Variants in CUBN observed in about 807,000 individuals in gnomAD.
CUBN encodes the protein cubilin.
A neutral mutation model predicts 405.3 loss-of-function variants in CUBN; 282 were observed. The ratio of observed to expected loss-of-function variants is 0.70; its 90% CI spans 0.63 to 0.77. The LOEUF is 0.77. CUBN is among the 30% of genes least tolerant of loss of function. CUBN has a pLI of 0.00. For missense variants in CUBN, 4,514 were observed against 4,475.2 expected (o/e 1.01, Z -0.25); for synonymous variants, 1,684 against 1,617.0 (o/e 1.04, Z -0.99).
At chr10:16,974,152 C>A (rs894032613) in intron 31 of CUBN, among the ~76,000 whole-genome samples, 1 of 152,204 alleles carries the variant, frequency 6.6e-6, no homozygotes, top group South Asian at 2.1e-4. Flanking sequence ...AACAATAAAT[C>A]TGACCTAGGT....
intron 60 of CUBN, among the ~76,000 whole-genome samples, chr10:16,848,029 G>A (rs1839570385): frequency 1.3e-5 from 2 of 152,176 alleles, no homozygotes; most frequent in Admixed American, 6.5e-5. Context: ...GTTGCCAATG[G>A]AAGGAAATTG....
At chr10:17,016,184 G>T (rs1307321438) in intron 28 of CUBN, among the ~76,000 whole-genome samples, 1 of 151,768 alleles carries the variant, frequency 6.6e-6, no homozygotes, top group Non-Finnish European at 1.5e-5. Context: ...GAAGGCAGAA[G>T]GATTTTCTTC....
Position 17,054,203 on chromosome 10 carries a change from C to T in CUBN, c.3140-6600G>A, listed in dbSNP as rs542796412. 4.0e-4 allele frequency among the ~76,000 whole-genome samples: 60 copies of T among 151,678 alleles called. 1 individual carries two copies. Among genetic ancestry groups the T allele is most frequent in the African/African-American group, 1.1e-3 (46 of 41,418 alleles). ...AAAATTAACCAGGCATGGTGGCGAG[C>T]GCCTGTAATCCCAGCTACTTGGGAG... On this transcript the variant is annotated intron_variant, in intron 22 of 66. Coordinates refer to ENST00000377833, the MANE Select transcript of CUBN (RefSeq NM_001081.4).
chr10:17,078,315 T>C lies in CUBN; in HGVS notation c.2301+5956A>G, dbSNP rs555598162. Among the ~76,000 whole-genome samples, 24 of 152,294 alleles carry C rather than the reference T, an allele frequency of 1.6e-4. 1 individual carries two copies. Among genetic ancestry groups the C allele is most frequent in the Middle Eastern group, 3.4e-3 (1 of 294 alleles). On this transcript the variant is annotated intron_variant, in intron 17 of 66. Transcript: ENST00000377833. ...GTCTATTTCCAATTATTTTAGTTTA[T>C]TTTTTCTGACTTCAGTCTCTAGGGC...
chr10:17,072,957 C>T (rs1014521647), intron 17 of CUBN, among the ~76,000 whole-genome samples: 3 of 152,010 alleles, frequency 2.0e-5, no homozygotes, highest in African/African-American at 4.8e-5. Context: ...TAATTATTCC[C>T]ATCCCACCCT....
chr10:16,956,566 T>C (rs1415871521), intron 31 of CUBN, among the ~76,000 whole-genome samples: 1 of 152,058 alleles, frequency 6.6e-6, no homozygotes, highest in Non-Finnish European at 1.5e-5. Flanking sequence ...ATCACCACCA[T>C]TGGTTTAATT....
intron 65 of CUBN, among the ~76,000 whole-genome samples, chr10:16,829,830 T>G (rs1449890105): frequency 6.7e-6 from 1 of 148,898 alleles, no homozygotes; most frequent in Non-Finnish European, 1.5e-5. Context: ...GTTTGGTTGG[T>G]TTTTTTTTTG....
At chr10:16,860,172 G>T (rs535070490) in intron 59 of CUBN, among the ~76,000 whole-genome samples, 1 of 151,950 alleles carries the variant, frequency 6.6e-6, no homozygotes, top group South Asian at 2.1e-4. Context: ...TAGTACAAAG[G>T]TCTATCTAAA....
intron 36 of CUBN, among the ~76,000 whole-genome samples, chr10:16,940,870 C>T (rs1376203865): frequency 2.0e-5 from 3 of 152,196 alleles, no homozygotes; most frequent in East Asian, 1.9e-4. Flanking sequence ...CACTTAAATG[C>T]GCTGCAAAGG....
At chr10:17,067,664 C>T (rs1835640357) in intron 21 of CUBN, among the ~76,000 whole-genome samples, 3 of 151,968 alleles carry the variant, frequency 2.0e-5, no homozygotes, top group Admixed American at 2.0e-4. Context: ...AAAAATTATG[C>T]TAATTGAGGA....
At chr10:17,045,821 T>C in intron 24 of CUBN, 113 bp downstream of exon 24, 1 of 1,104,494 alleles carries the variant, frequency 9.1e-7, no homozygotes, top group Admixed American at 1.7e-5. Context: ...AATATTGAAG[T>C]TTAAATACAG....
At chr10:16,850,784 T>C (rs1839664013) in intron 60 of CUBN, among the ~76,000 whole-genome samples, 1 of 152,244 alleles carries the variant, frequency 6.6e-6, no homozygotes, top group South Asian at 2.1e-4. Flanking sequence ...TTATTTACTT[T>C]TAATGGGATT....
intron 28 of CUBN, among the ~76,000 whole-genome samples, chr10:17,002,072 G>C (rs956329425): frequency 6.6e-6 from 1 of 152,150 alleles, no homozygotes. Flanking sequence ...ACAAGTCCTT[G>C]GATATGTAAT....
rs59819645 is a variant in CUBN, at chr10:16,846,812, C to CAA, written c.9663+4421_9663+4422dup. 2.5e-3 allele frequency among the ~76,000 whole-genome samples: 336 copies of CAA among 134,904 alleles called. 1 individual carries two copies. Among genetic ancestry groups the CAA allele is most frequent in the Non-Finnish European group, 3.1e-3 (199 of 64,024 alleles). 88.5% of individuals were successfully genotyped at this position (134,904 alleles called of 152,430 possible). On this transcript the variant is annotated intron_variant, in intron 60 of 66. Coordinates refer to ENST00000377833, the MANE Select transcript of CUBN (RefSeq NM_001081.4). ...GGGTGACAAGATAGAAACTCTGTCT[C>CAA]AAAAAAAAAAAAAGAAAAGAAAAAG...
In CUBN at chr10:17,071,499, C is replaced by A; in HGVS notation, c.2552G>T (p.Ser851Ile). 6.2e-7 allele frequency: 1 copy of A among 1,613,942 alleles called. No homozygotes were observed. Among genetic ancestry groups the A allele is most frequent in the Non-Finnish European group, 8.5e-7 (1 of 1,179,938 alleles). Residue 851 changes from serine (S) to isoleucine (I), a missense_variant, in exon 19 of 67, where the codon AGC becomes ATC. Around this residue, in one of 5 missense-constraint regions of CUBN, gnomAD observed 1,448 missense variants for 1,388.0 expected, o/e 1.04. Transcript: ENST00000377833. Reference protein sequence around the residue: ...TCRWTIHQPQSQVILLNFTVF... With the variant: ...TCRWTIHQPQIQVILLNFTVF... ...AGTGAAGTTGAGGAGAATGACTTGG[C>A]TTTGGGGCTGGTGGATGGTCCACCT... is the stretch of plus-strand genomic sequence containing the variant.
chr10:16,928,797 C>G (rs1842284011), intron 40 of CUBN, among the ~76,000 whole-genome samples: 1 of 152,060 alleles, frequency 6.6e-6, no homozygotes, highest in Non-Finnish European at 1.5e-5. Context: ...TCCCAAAGTG[C>G]TGGGTTCTTT....
In CUBN at chr10:16,824,999, T is replaced by C; in HGVS notation, c.10848A>G (p.Ala3616=). 1.2e-6 allele frequency: 2 copies of C among 1,613,952 alleles called. No individual in the cohort carries two copies. Among genetic ancestry groups the C allele is most frequent in the South Asian group, 1.1e-5 (1 of 91,064 alleles). Residue 3616 remains alanine, a synonymous_variant, in exon 67 of 67, where the codon GCA becomes GCG. Transcript: ENST00000377833. ...CTTAGCTGTCCCAAGTTAATCGGAA[T>C]GCGGATGGACGCCGTGCATAATCAG... ...FHADYARRPS[A]FRLTWDS
chr10:16,916,024 C>T lies in CUBN; in HGVS notation c.7007G>A (p.Cys2336Tyr), dbSNP rs1413359792. ...GFKAKYSIAQCGGRVPGQSGV... is the reference protein window; with the variant it reads ...GFKAKYSIAQYGGRVPGQSGV... ...ACTTTGCCCTGGTACTCTTCCCCCA[C>T]ACTGAGCTGCAAAAAATAAAAATAA... The change falls in exon 46 of 67, where the codon TGT (cysteine) becomes TAT (tyrosine). Residue 2336 changes from cysteine (C) to tyrosine (Y), a missense_variant. Cys to Tyr is a radical substitution (Grantham distance 194). Transcript: ENST00000377833. The T allele has an allele frequency of 1.9e-6, 3 of 1,613,140 alleles. No homozygotes were observed. The highest frequency in any genetic ancestry group is 1.7e-6 in the Non-Finnish European group (2 of 1,179,578).
intron 31 of CUBN, among the ~76,000 whole-genome samples, chr10:16,954,793 A>T (rs1843006479): frequency 6.6e-6 from 1 of 152,070 alleles, no homozygotes; most frequent in South Asian, 2.1e-4. Context: ...TATCTTCATA[A>T]ATGCCGTCCC....
Sources: allele counts gnomAD v4.1 joint callset (sites outside exome capture counted in the v4.1 genomes callset), GRCh38; gene constraint gnomAD v4.1.1; regional missense constraint gnomAD v4.1.1; transcripts MANE v1.5; gene names NCBI Gene and HGNC (gene_info 2026-07-23, HGNC 2026-07-21).